The following PHF20 variants were observed in gnomAD, a reference collection of about 807,000 sequenced individuals.
PHF20 encodes the protein PHD finger protein 20, also known as glioma-expressed antigen 2.
Under a neutral mutation model 113.5 loss-of-function variants are expected in PHF20, and 23 were observed. That is an observed-to-expected ratio of 0.20 (90% CI 0.15 to 0.29). The LOEUF (loss-of-function observed/expected upper bound fraction) is 0.29, where lower values mean the gene tolerates loss of function less well. PHF20 is among the 10% of genes least tolerant of loss of function. The pLI, the probability that PHF20 is intolerant of heterozygous loss-of-function variation, is 1.00. For missense variants in PHF20, 943 were observed against 1,219.6 expected (o/e 0.77, Z 3.38); for synonymous variants, 434 against 457.3 (o/e 0.95, Z 0.65).
intron 10 of PHF20, among the ~76,000 whole-genome samples, chr20:35,911,481 T>A (rs976248081): frequency 6.6e-6 from 1 of 152,236 alleles, no homozygotes; most frequent in African/African-American, 2.4e-5. Context: ...TCTTCATGTA[T>A]AAGTCTCTAT....
intron 1 of PHF20, among the ~76,000 whole-genome samples, chr20:35,779,835 T>A (rs1300991720): frequency 6.6e-6 from 1 of 152,200 alleles, no homozygotes; most frequent in Non-Finnish European, 1.5e-5. Context: ...CCTTTCTTGC[T>A]TCTACAGGTG....
chr20:35,833,427 T>C (rs2042387023), intron 2 of PHF20, among the ~76,000 whole-genome samples: 1 of 152,220 alleles, frequency 6.6e-6, no homozygotes, highest in Non-Finnish European at 1.5e-5. Flanking sequence ...CATGTGCATA[T>C]ATCCCCTCCA....
intron 2 of PHF20, among the ~76,000 whole-genome samples, chr20:35,841,111 A>G (rs1279253972): frequency 6.6e-6 from 1 of 151,868 alleles, no homozygotes; most frequent in African/African-American, 2.4e-5. Flanking sequence ...AGGATCTGCT[A>G]TCCTGGGCAG....
intron 1 of PHF20, among the ~76,000 whole-genome samples, chr20:35,775,490 C>G (rs1458947851): frequency 6.6e-6 from 1 of 152,042 alleles, no homozygotes; most frequent in Non-Finnish European, 1.5e-5. Flanking sequence ...GGCACGGTGG[C>G]TCATGCTTGT....
chr20:35,840,856 AAATGT>A (rs1329237632), intron 2 of PHF20, among the ~76,000 whole-genome samples: 1 of 152,160 alleles, frequency 6.6e-6, no homozygotes, highest in Non-Finnish European at 1.5e-5. Flanking sequence ...GAAGTCAGGG[AAATGT>A]AGTTGTTGAT....
intron 9 of PHF20, among the ~76,000 whole-genome samples, chr20:35,896,081 A>ATGTGTGTGTGTGTG (rs10633976): frequency 2.1e-5 from 3 of 143,136 alleles, no homozygotes; most frequent in Non-Finnish European, 3.1e-5. Flanking sequence ...ATGCTTTGGG[A>ATGTGTGTGTGTGTG]TGTGTGTGTG....
chr20:35,812,955 G>A (rs1460965625), intron 2 of PHF20, among the ~76,000 whole-genome samples: 2 of 151,932 alleles, frequency 1.3e-5, no homozygotes, highest in East Asian at 1.9e-4. Flanking sequence ...TCTTCTGTAC[G>A]AACAGCTTTC....
chr20:35,782,618 T>C (rs1214375734), intron 1 of PHF20: 1 of 152,174 alleles, frequency 6.6e-6, no homozygotes, highest in East Asian at 1.9e-4. Flanking sequence ...TGGTATGTGG[T>C]GGTGAGGATG....
At chr20:35,941,764 A>G (rs984153522) in intron 17 of PHF20, among the ~76,000 whole-genome samples, 1 of 152,368 alleles carries the variant, frequency 6.6e-6, no homozygotes, top group South Asian at 2.1e-4. Flanking sequence ...TAAAACATAC[A>G]TGAAATAACT....
intron 2 of PHF20, among the ~76,000 whole-genome samples, chr20:35,820,433 G>T (rs1264347642): frequency 4.6e-5 from 7 of 150,838 alleles, no homozygotes; most frequent in Non-Finnish European, 1.0e-4. Flanking sequence ...ATGCTAGAAA[G>T]TGGAATAAGT....
intron 2 of PHF20, among the ~76,000 whole-genome samples, chr20:35,828,981 T>C (rs1259003635): frequency 6.6e-6 from 1 of 152,054 alleles, no homozygotes; most frequent in Non-Finnish European, 1.5e-5. Context: ...AGGAGCGGCG[T>C]AATGGGGGGT....
intron 9 of PHF20, among the ~76,000 whole-genome samples, chr20:35,892,027 C>G (rs1259367663): frequency 6.6e-6 from 1 of 150,800 alleles, no homozygotes; most frequent in South Asian, 2.1e-4. Flanking sequence ...CCGCCACCAC[C>G]CCCAGCTAAT....
intron 1 of PHF20, among the ~76,000 whole-genome samples, chr20:35,774,001 C>T (rs552828011): frequency 5.4e-4 from 82 of 151,818 alleles, no homozygotes; most frequent in African/African-American, 1.8e-3. Flanking sequence ...TGGAGGAATC[C>T]CTTGGATACT....
At chr20:35,856,324 T>C (rs2042826500) in intron 4 of PHF20, 1 of 152,218 alleles carries the variant, frequency 6.6e-6, no homozygotes, top group Admixed American at 6.5e-5. Flanking sequence ...ACTAATTGTC[T>C]ATGGCAGTGG....
At chr20:35,791,693 C>G (rs530887041) in intron 1 of PHF20, among the ~76,000 whole-genome samples, 1 of 151,602 alleles carries the variant, frequency 6.6e-6, no homozygotes, top group Admixed American at 6.6e-5. Context: ...GGAGCTCTGT[C>G]AAGAGCTGCT....
At chr20:35,915,326 T>TTATATATATA (rs1355123507) in intron 12 of PHF20, among the ~76,000 whole-genome samples, 2 of 150,506 alleles carry the variant, frequency 1.3e-5, no homozygotes, top group Non-Finnish European at 3.0e-5. Context: ...GAGAAAGGGT[T>TTATATATATA]TATATATATA....
chr20:35,913,743 T>C (rs1196515980), intron 11 of PHF20, among the ~76,000 whole-genome samples: 3 of 152,212 alleles, frequency 2.0e-5, no homozygotes, highest in Non-Finnish European at 4.4e-5. Context: ...CTCACAAAAA[T>C]GTTTAGAAAA....
chr20:35,839,523 T>C (rs1397606007), intron 2 of PHF20, among the ~76,000 whole-genome samples: 1 of 152,178 alleles, frequency 6.6e-6, no homozygotes, highest in East Asian at 1.9e-4. Flanking sequence ...AATTGCCATA[T>C]TGATGTCCTT....
chr20:35,894,824 A>C (rs1361079145), intron 9 of PHF20, among the ~76,000 whole-genome samples: 1 of 152,210 alleles, frequency 6.6e-6, no homozygotes, highest in Non-Finnish European at 1.5e-5. Context: ...TGATTTATGT[A>C]GATGACCATT....
Sources: gnomAD v4.1 joint callset for allele counts (sites outside exome capture counted in the v4.1 genomes callset) on GRCh38, gnomAD v4.1.1 for gene constraint, MANE v1.5 for transcripts, NCBI Gene and HGNC (gene_info 2026-07-23, HGNC 2026-07-21) for gene names.